The following TBCK variants were observed in gnomAD, a reference collection of about 807,000 sequenced individuals.
TBCK encodes TBC domain-containing protein kinase-like protein.
Under a neutral mutation model 113.4 loss-of-function variants are expected in TBCK, and 99 were observed. The ratio of observed to expected loss-of-function variants is 0.87; its 90% CI spans 0.74 to 1.03. The LOEUF is 1.03. TBCK is among the 50% of genes least tolerant of loss of function. The probability of loss-of-function intolerance (pLI) is 0.00; values close to 1 mark genes in which losing one functional copy is unlikely to be tolerated. For missense variants in TBCK, 1,045 were observed against 1,061.3 expected (o/e 0.98, Z 0.21); for synonymous variants, 369 against 370.8 (o/e 1.00, Z 0.05).
chr4:106,084,949 A>AAAAAC (rs1400943139), intron 25 of TBCK, among the ~76,000 whole-genome samples: 10 of 152,212 alleles, frequency 6.6e-5, no homozygotes, highest in Admixed American at 2.0e-4. Flanking sequence ...TAAAAATGGA[A>AAAAAC]AAAACAAAAC....
At chr4:106,148,463 C>G (rs1408973409) in intron 23 of TBCK, among the ~76,000 whole-genome samples, 1 of 152,288 alleles carries the variant, frequency 6.6e-6, no homozygotes, top group Middle Eastern at 3.4e-3. Flanking sequence ...AGAAAAGAAC[C>G]TACATGACTA....
intron 23 of TBCK, among the ~76,000 whole-genome samples, chr4:106,143,634 G>C (rs1398816317): frequency 6.6e-6 from 1 of 152,142 alleles, no homozygotes; most frequent in African/African-American, 2.4e-5. Flanking sequence ...GTAAAGGCAG[G>C]CCGGGTGCCG....
At chr4:106,246,759 CAGTTAGGCTCTGATATTATCCAAGGA>C (rs1760859670) in intron 10 of TBCK, among the ~76,000 whole-genome samples, 6 of 152,094 alleles carry the variant, frequency 3.9e-5, no homozygotes, top group Admixed American at 3.3e-4. Flanking sequence ...CTCACCAGTT[CAGTTAGGCTCTGATATTATCCAAGGA>C]AGTTAGGCTC....
At chr4:106,217,066 C>T (rs1401229418) in intron 19 of TBCK, among the ~76,000 whole-genome samples, 4 of 151,772 alleles carry the variant, frequency 2.6e-5, no homozygotes, top group African/African-American at 9.7e-5. Flanking sequence ...GTTCAATATA[C>T]ACAAATCAAT....
At chr4:106,217,832 T>C (rs896167633) in intron 19 of TBCK, among the ~76,000 whole-genome samples, 2 of 149,450 alleles carry the variant, frequency 1.3e-5, no homozygotes, top group African/African-American at 2.4e-5. Flanking sequence ...CCCATAAAGC[T>C]ACCAATGACT....
At chr4:106,167,126 A>G (rs1021788461) in intron 23 of TBCK, among the ~76,000 whole-genome samples, 4 of 145,082 alleles carry the variant, frequency 2.8e-5, no homozygotes, top group African/African-American at 1.0e-4. Context: ...CTGTATATAT[A>G]TATATAGAGA....
chr4:106,220,775 A>C lies in TBCK; in HGVS notation c.1775-7940T>G, dbSNP rs150117401. 2.0e-5 allele frequency among the ~76,000 whole-genome samples: 3 copies of C among 152,254 alleles called. No homozygotes were observed. The East Asian group carries it at 5.8e-4, about 29-fold the overall frequency. ...GTTATAGATCAAAGTGAAGACCCAAAATATATCTGAAGGGCCCAGGGAACT... is the reference window on the plus strand; with the variant it reads ...GTTATAGATCAAAGTGAAGACCCAACATATATCTGAAGGGCCCAGGGAACT... On this transcript the variant is annotated intron_variant, in intron 19 of 25. Coordinates refer to ENST00000394708, the MANE Select transcript of TBCK (RefSeq NM_001163435.3).
upstream of TBCK, chr4:106,316,434 A>G: frequency 9.4e-7 from 1 of 1,068,700 alleles, no homozygotes; most frequent in South Asian, 1.4e-5. Context: ...GGGACTGAGC[A>G]CAGGAAGAGG....
At chr4:106,281,909 T>C (rs1412462224) in intron 3 of TBCK, among the ~76,000 whole-genome samples, 6 of 152,108 alleles carry the variant, frequency 3.9e-5, no homozygotes, top group Non-Finnish European at 7.4e-5. Context: ...CAGGGTAATA[T>C]TGGCCTCGTA....
chr4:106,291,841 A>G (rs1256155572), intron 3 of TBCK, among the ~76,000 whole-genome samples: 1 of 152,244 alleles, frequency 6.6e-6, no homozygotes, highest in Non-Finnish European at 1.5e-5. Flanking sequence ...AACTGATGAA[A>G]TAACAGAGGA....
chr4:106,137,676 A>G (rs1339784767), intron 23 of TBCK, among the ~76,000 whole-genome samples: 1 of 140,960 alleles, frequency 7.1e-6, no homozygotes, highest in Non-Finnish European at 1.6e-5. Context: ...AATAACTATC[A>G]TACTCTGAAA....
intron 25 of TBCK, among the ~76,000 whole-genome samples, chr4:106,068,065 T>G (rs1267278810): frequency 6.6e-6 from 1 of 152,150 alleles, no homozygotes; most frequent in African/African-American, 2.4e-5. Flanking sequence ...ACACATTGTT[T>G]TGGGTAGTAT....
chr4:106,079,309 G>A (rs1027873067), intron 25 of TBCK, among the ~76,000 whole-genome samples: 3 of 152,124 alleles, frequency 2.0e-5, no homozygotes, highest in African/African-American at 7.2e-5. Flanking sequence ...ACATAGCACT[G>A]GAAGTCTTAG....
chr4:106,246,104 T>G (rs1156783891), intron 10 of TBCK, among the ~76,000 whole-genome samples: 1 of 152,182 alleles, frequency 6.6e-6, no homozygotes, highest in African/African-American at 2.4e-5. Flanking sequence ...TGGCTGCCTT[T>G]TCTGAAGTCT....
rs145779354 is a variant in TBCK, at chr4:106,301,668, T to C, written c.194-6502A>G. 4.6e-5 allele frequency among the ~76,000 whole-genome samples: 7 copies of C among 152,182 alleles called. No individual in the cohort carries two copies. In the East Asian group the frequency reaches 9.6e-4, roughly 21 times the overall value. Reference sequence around the variant, plus strand: ...GCTAGACTTCTGAGCTAACATAACATGTGAAAACATAATGTTACTAAAACA... The same window carrying C: ...GCTAGACTTCTGAGCTAACATAACACGTGAAAACATAATGTTACTAAAACA... On this transcript the variant is annotated intron_variant, in intron 2 of 25. Coordinates refer to ENST00000394708, the MANE Select transcript of TBCK (RefSeq NM_001163435.3).
At chr4:106,275,917 T>C (rs1032149849) in intron 3 of TBCK, among the ~76,000 whole-genome samples, 7 of 152,082 alleles carry the variant, frequency 4.6e-5, no homozygotes, top group African/African-American at 1.7e-4. Context: ...AGAAACTTAC[T>C]ATAAAATTTA....
At chr4:106,080,786 C>G (rs1257873089) in intron 25 of TBCK, among the ~76,000 whole-genome samples, 2 of 151,988 alleles carry the variant, frequency 1.3e-5, no homozygotes, top group Middle Eastern at 3.2e-3. Flanking sequence ...TGACAAAGGT[C>G]TAATATCCAG....
intron 23 of TBCK, among the ~76,000 whole-genome samples, chr4:106,130,098 C>A (rs936786757): frequency 6.6e-6 from 1 of 152,118 alleles, no homozygotes; most frequent in African/African-American, 2.4e-5. Context: ...CATTTCCCCC[C>A]AAAGTACCAT....
intron 25 of TBCK, among the ~76,000 whole-genome samples, chr4:106,078,741 C>CAA (rs36065351): frequency 5.8e-4 from 83 of 143,328 alleles, no homozygotes; most frequent in Middle Eastern, 3.6e-3. Flanking sequence ...TCTAACTATT[C>CAA]AAAAAAAAAA....
Sources: gnomAD v4.1 joint callset for allele counts (sites outside exome capture counted in the v4.1 genomes callset) on GRCh38, gnomAD v4.1.1 for gene constraint, MANE v1.5 for transcripts, NCBI Gene and HGNC (gene_info 2026-07-23, HGNC 2026-07-21) for gene names.